SMARCC1: variants seen among roughly 807,000 people sequenced by gnomAD.
SMARCC1 encodes the protein SWI/SNF complex subunit SMARCC1.
A neutral mutation model predicts 147.4 loss-of-function variants in SMARCC1; 43 were observed. That is an observed-to-expected ratio of 0.29 (90% CI 0.23 to 0.38). The LOEUF (loss-of-function observed/expected upper bound fraction) is 0.38. Ranked by LOEUF, SMARCC1 falls within the 10% of genes least tolerant of loss-of-function variation. The pLI is 1.00. For synonymous variants in SMARCC1, 495 were observed against 484.4 expected, an observed-to-expected ratio of 1.02 and a Z score of -0.29; for missense variants, 1,119 against 1,381.1, an observed-to-expected ratio of 0.81 and a Z score of 3.01.
chr3:47,755,039 T>C (rs996322428), intron 2 of SMARCC1, among the ~76,000 whole-genome samples: 9 of 151,636 alleles, frequency 5.9e-5, no homozygotes, highest in Non-Finnish European at 1.2e-4. Context: ...CAAGACTCTG[T>C]CTCAAAAATA....
Position 47,718,864 on chromosome 3 carries a change from C to T in SMARCC1, c.716+1802G>A, listed in dbSNP as rs115211917. On this transcript the variant is annotated intron_variant, in intron 7 of 27. Transcript: ENST00000254480. ...AAATATAGTACAAACAATGTTATCC[C>T]TATTTCCATGTGCACTATGCAGGCA... is the stretch of plus-strand genomic sequence containing the variant. Among the ~76,000 whole-genome samples, 1,372 of 152,094 alleles carry T rather than the reference C, an allele frequency of 9.0e-3. 18 individuals are homozygous for T. The highest frequency in any genetic ancestry group is 0.04 in the South Asian group (194 of 4,814).
chr3:47,681,779 C>T (rs957473991), intron 14 of SMARCC1, among the ~76,000 whole-genome samples: 6 of 152,006 alleles, frequency 3.9e-5, no homozygotes, highest in African/African-American at 1.5e-4. Flanking sequence ...TGGATTAATG[C>T]TATATAAATA....
Position 47,729,151 on chromosome 3 carries a change from G to C in SMARCC1, c.577-57C>G. The C allele has an allele frequency of 2.9e-6, 3 of 1,033,432 alleles. No individual in the cohort carries two copies. In the East Asian group the frequency reaches 7.3e-5, roughly 25 times the overall value. The allele number at this position is 1,033,432 out of a possible 1,614,324, so 64.0% of individuals were successfully genotyped here. On this transcript the variant is annotated intron_variant, in intron 5 of 27. Coordinates refer to ENST00000254480, the MANE Select transcript of SMARCC1 (RefSeq NM_003074.4). Reference sequence around the variant, plus strand: ...TAAAGCACATGGCAATGAACTATGAGATTCCAGATACAAATTCCATACAAA... The same window carrying C: ...TAAAGCACATGGCAATGAACTATGACATTCCAGATACAAATTCCATACAAA...
At chr3:47,649,154 C>G (rs1227679751) in intron 21 of SMARCC1, among the ~76,000 whole-genome samples, 1 of 152,180 alleles carries the variant, frequency 6.6e-6, no homozygotes, top group African/African-American at 2.4e-5. Context: ...AAGAGAGAAG[C>G]CCACTCCACG....
chr3:47,611,025 C>G (rs1295485169), intron 25 of SMARCC1, among the ~76,000 whole-genome samples: 2 of 152,096 alleles, frequency 1.3e-5, no homozygotes, highest in African/African-American at 2.4e-5. Flanking sequence ...TTTCAATATT[C>G]AAGATAATCT....
At chr3:47,681,399 G>A (rs1334460654) in intron 14 of SMARCC1, among the ~76,000 whole-genome samples, 1 of 152,114 alleles carries the variant, frequency 6.6e-6, no homozygotes, top group African/African-American at 2.4e-5. Context: ...TATCACAGAA[G>A]TACATTTTAA....
rs1183934374 is a variant in SMARCC1 at position 47,621,298 on chromosome 3, C to CAAAAA, written c.2781+904_2781+908dup. Reference sequence around the variant, plus strand: ...CTGGCAACAGGGCGAGACTCCGTCTCAAAAAAAAAAAAAAAAAAAAGAAAA... The same window carrying CAAAAA: ...CTGGCAACAGGGCGAGACTCCGTCTCAAAAAAAAAAAAAAAAAAAAAAAAAGAAAA... On this transcript the variant is annotated intron_variant, in intron 25 of 27. Coordinates refer to ENST00000254480, the MANE Select transcript of SMARCC1 (RefSeq NM_003074.4). Among the ~76,000 whole-genome samples, 207 of 59,238 alleles carry CAAAAA rather than the reference C, an allele frequency of 3.5e-3. 1 individual carries two copies. Among genetic ancestry groups the CAAAAA allele is most frequent in the Middle Eastern group, 0.012 (1 of 82 alleles). The allele number at this position is 59,238 out of a possible 152,430, so 38.9% of individuals were successfully genotyped here. A position where few individuals can be genotyped will look rare whatever the true frequency, so the allele number is the denominator to read the frequency against.
At chr3:47,627,331 TAGAA>T (rs2032824136) in intron 24 of SMARCC1, among the ~76,000 whole-genome samples, 1 of 151,842 alleles carries the variant, frequency 6.6e-6, no homozygotes, top group African/African-American at 2.4e-5. Flanking sequence ...CATGAGGAAA[TAGAA>T]AGGGTAATTA....
chr3:47,602,977 T>C (rs992700161), intron 26 of SMARCC1, among the ~76,000 whole-genome samples: 2 of 151,604 alleles, frequency 1.3e-5, no homozygotes, highest in Non-Finnish European at 2.9e-5. Flanking sequence ...TAGTGAGACC[T>C]TGTCTCTACT....
intron 21 of SMARCC1, among the ~76,000 whole-genome samples, chr3:47,651,556 C>A (rs976845597): frequency 2.0e-5 from 3 of 152,208 alleles, no homozygotes; most frequent in Admixed American, 6.5e-5. Context: ...CACTCTTACA[C>A]TGGATGCCTA....
chr3:47,743,561 C>G (rs1164403042), intron 3 of SMARCC1, among the ~76,000 whole-genome samples: 1 of 151,886 alleles, frequency 6.6e-6, no homozygotes, highest in Non-Finnish European at 1.5e-5. Context: ...TGCCTGTAAT[C>G]CCAGCATTTT....
intron 7 of SMARCC1, 123 bp downstream of exon 7, chr3:47,720,539 CATAA>C (rs1475409363): frequency 3.3e-5 from 23 of 703,748 alleles, no homozygotes; most frequent in Middle Eastern, 4.9e-4. Context: ...TAAAAGACTC[CATAA>C]GTGAGAAAAA....
intron 18 of SMARCC1, among the ~76,000 whole-genome samples, chr3:47,675,048 A>T (rs2033552022): frequency 6.6e-6 from 1 of 151,864 alleles, no homozygotes; most frequent in East Asian, 1.9e-4. Context: ...ACTCTATCTC[A>T]CATATCTGTT....
intron 26 of SMARCC1, among the ~76,000 whole-genome samples, chr3:47,600,998 T>TGAGAGAGAGAGAGA (rs66582985): frequency 0.011 from 898 of 85,116 alleles, 110 homozygotes; most frequent in Non-Finnish European, 0.012. Flanking sequence ...AGGAAGAAAA[T>TGAGAGAGAGAGAGA]GAGAGAGAGA....
intron 3 of SMARCC1, among the ~76,000 whole-genome samples, 164 bp downstream of exon 3, chr3:47,745,744 C>T (rs931975277): frequency 2.6e-5 from 4 of 152,190 alleles, no homozygotes; most frequent in Admixed American, 6.6e-5. Flanking sequence ...TAAATAAATA[C>T]GTGGTTGCTT....
At position 47,738,033 on chromosome 3, in the gene SMARCC1, A is replaced by C; in HGVS notation, c.479T>G (p.Val160Gly). 2 of 1,593,820 alleles carry C rather than the reference A, an allele frequency of 1.3e-6. No individual in the cohort carries two copies. Among genetic ancestry groups the C allele is most frequent in the Non-Finnish European group, 1.7e-6 (2 of 1,169,842 alleles). Residue 160 changes from valine (V) to glycine (G), a missense_variant, in exon 4 of 28, where the codon GTG becomes GGG. By Grantham distance (109) the Val-to-Gly change is moderately radical. Transcript: ENST00000254480. Reference sequence around the variant, plus strand: ...TAACCTAAGTTTCCAAGTTACCTGCACCAATGTTTTTTCAATGTTCATAAA... The same window carrying C: ...TAACCTAAGTTTCCAAGTTACCTGCCCCAATGTTTTTTCAATGTTCATAAA... ...EMFMNIEKTL[V>G]QNNCLTRPNI...
intron 2 of SMARCC1, among the ~76,000 whole-genome samples, chr3:47,759,590 C>T (rs1442591209): frequency 1.5e-5 from 2 of 133,364 alleles, no homozygotes; most frequent in African/African-American, 2.8e-5. Flanking sequence ...CACTGCACTC[C>T]AGTCTGGGAC....
In SMARCC1 at chr3:47,710,673, A is replaced by G; in HGVS notation, c.918+10T>C. 6.2e-7 allele frequency: 1 copy of G among 1,611,882 alleles called. No individual in the cohort carries two copies. The highest frequency in any genetic ancestry group is 8.5e-7 in the Non-Finnish European group (1 of 1,179,346). ...GACTTAATGATGAGAAACTGTGCCA[A>G]AGAAAATACCTCTTCATTCTTGGTT... On this transcript the variant is annotated intron_variant, in intron 9 of 27. Coordinates refer to ENST00000254480, the MANE Select transcript of SMARCC1 (RefSeq NM_003074.4).
intron 21 of SMARCC1, among the ~76,000 whole-genome samples, chr3:47,650,261 G>C (rs1478490462): frequency 1.4e-5 from 2 of 146,584 alleles, no homozygotes; most frequent in African/African-American, 5.0e-5. Flanking sequence ...GGGCGACAGA[G>C]CGAGACTCTG....
Sources: gnomAD v4.1 joint callset for allele counts (sites outside exome capture counted in the v4.1 genomes callset) on GRCh38, gnomAD v4.1.1 for gene constraint, MANE v1.5 for transcripts, NCBI Gene and HGNC (gene_info 2026-07-23, HGNC 2026-07-21) for gene names.